HCN1: variants seen among roughly 807,000 people sequenced by gnomAD.
HCN1 encodes the protein potassium/sodium hyperpolarization-activated cyclic nucleotide-gated channel 1.
Under a neutral mutation model 78.9 loss-of-function variants are expected in HCN1, and 13 were observed. That is an observed-to-expected ratio of 0.16 (90% CI 0.11 to 0.26). The LOEUF (loss-of-function observed/expected upper bound fraction) is 0.26. Among genes scored for constraint, HCN1 ranks in the 10% least tolerant of loss-of-function variants. The probability of loss-of-function intolerance (pLI) is 1.00; values close to 1 mark genes in which losing one functional copy is unlikely to be tolerated. For synonymous variants in HCN1, 552 were observed against 455.5 expected, an observed-to-expected ratio of 1.21 and a Z score of -2.70; for missense variants, 810 against 1,154.3, an observed-to-expected ratio of 0.70 and a Z score of 4.32.
chr5:45,471,886 A>G (rs1741399509), intron 2 of HCN1, among the ~76,000 whole-genome samples: 1 of 151,904 alleles, frequency 6.6e-6, no homozygotes, highest in Non-Finnish European at 1.5e-5. Flanking sequence ...TTTTTCAAAA[A>G]CTTAATTTAC....
chr5:45,569,130 C>T (rs1743775350), intron 2 of HCN1, among the ~76,000 whole-genome samples: 1 of 152,092 alleles, frequency 6.6e-6, no homozygotes, highest in Non-Finnish European at 1.5e-5. Context: ...AAGTTACCTC[C>T]AGCTAATGAC....
intron 1 of HCN1, among the ~76,000 whole-genome samples, chr5:45,671,798 T>C (rs1746156918): frequency 6.6e-6 from 1 of 151,632 alleles, no homozygotes; most frequent in African/African-American, 2.4e-5. Context: ...CTGTTCTAAG[T>C]TACCACTAAT....
rs555812587 is a variant in HCN1, at chr5:45,691,569, CAT to C, written c.425+4098_425+4099del. Among the ~76,000 whole-genome samples the C allele has an allele frequency of 2.6e-5, 4 of 152,036 alleles. No individual in the cohort carries two copies. The East Asian group carries it at 7.7e-4, about 29-fold the overall frequency. ...TTAAAGCACAAAAAGGTTCACCTAA[CAT>C]AGAAAAAAAATAAATTCTTATGGTT... On this transcript the variant is annotated intron_variant, in intron 1 of 7. Coordinates refer to ENST00000303230, the MANE Select transcript of HCN1 (RefSeq NM_021072.4).
At chr5:45,525,801 T>G (rs1742726125) in intron 2 of HCN1, among the ~76,000 whole-genome samples, 1 of 152,132 alleles carries the variant, frequency 6.6e-6, no homozygotes, top group East Asian at 1.9e-4. Context: ...TTAGGTCTTC[T>G]TAGGGACTGC....
At chr5:45,390,475 A>G (rs1159916399) in intron 4 of HCN1, among the ~76,000 whole-genome samples, 1 of 152,020 alleles carries the variant, frequency 6.6e-6, no homozygotes, top group Non-Finnish European at 1.5e-5. Flanking sequence ...AGCTATAAAA[A>G]GAAGCTAACA....
intron 1 of HCN1, among the ~76,000 whole-genome samples, chr5:45,652,368 T>A (rs1745690727): frequency 6.6e-6 from 1 of 152,110 alleles, no homozygotes; most frequent in African/African-American, 2.4e-5. Flanking sequence ...TCCTCACTCA[T>A]ATTTCTGTAT....
intron 2 of HCN1, among the ~76,000 whole-genome samples, chr5:45,567,536 A>G (rs1413131439): frequency 1.3e-5 from 2 of 149,950 alleles, no homozygotes; most frequent in Admixed American, 6.8e-5. Context: ...CCAGATGGTG[A>G]AAAGGAGAGG....
At chr5:45,339,923 T>G (rs1746539716) in intron 5 of HCN1, among the ~76,000 whole-genome samples, 2 of 152,052 alleles carry the variant, frequency 1.3e-5, no homozygotes, top group Admixed American at 6.6e-5. Context: ...ATGTATGTAT[T>G]TATTTATTTT....
chr5:45,450,021 C>T (rs1178563598), intron 3 of HCN1, among the ~76,000 whole-genome samples: 2 of 152,018 alleles, frequency 1.3e-5, no homozygotes, highest in African/African-American at 4.8e-5. Flanking sequence ...TTAGAAGAGA[C>T]GAGGTTTCAC....
chr5:45,487,074 A>G (rs1741784004), intron 2 of HCN1, among the ~76,000 whole-genome samples: 1 of 152,086 alleles, frequency 6.6e-6, no homozygotes, highest in African/African-American at 2.4e-5. Flanking sequence ...TACTTCCTTA[A>G]GCAGTATAAT....
chr5:45,585,050 T>C (rs1192823207), intron 2 of HCN1, among the ~76,000 whole-genome samples: 6 of 152,216 alleles, frequency 3.9e-5, no homozygotes. Context: ...GCATTCTCTG[T>C]GTTTCCTGAA....
chr5:45,352,292 G>A (rs765760751), intron 5 of HCN1, among the ~76,000 whole-genome samples: 8 of 151,514 alleles, frequency 5.3e-5, no homozygotes, highest in South Asian at 2.1e-4. Context: ...ATCGAACACC[G>A]CATGTTCTCA....
At position 45,597,719 on chromosome 5, in the gene HCN1, A is replaced by C. The variant is rs185993606; in HGVS notation, c.849+47466T>G. Among the ~76,000 whole-genome samples the C allele has an allele frequency of 2.0e-5, 3 of 152,314 alleles. No homozygotes were observed. In the East Asian group the frequency reaches 5.8e-4, roughly 29 times the overall value. On this transcript the variant is annotated intron_variant, in intron 2 of 7. Transcript: ENST00000303230. ...TTAGGCTGATAAGCAACTTCAGCGAAGTCTCAGGACACAAAATCAGTGTGC... is the reference window on the plus strand; with the variant it reads ...TTAGGCTGATAAGCAACTTCAGCGACGTCTCAGGACACAAAATCAGTGTGC...
chr5:45,515,431 A>AT (rs1742498557), intron 2 of HCN1, among the ~76,000 whole-genome samples: 1 of 152,016 alleles, frequency 6.6e-6, no homozygotes, highest in Admixed American at 6.6e-5. Context: ...ATATTTGTTG[A>AT]TGTCTTAGAG....
At chr5:45,659,941 G>T (rs1396886361) in intron 1 of HCN1, among the ~76,000 whole-genome samples, 1 of 145,612 alleles carries the variant, frequency 6.9e-6, no homozygotes, top group East Asian at 2.1e-4. Flanking sequence ...TCAGATTCAG[G>T]AAATACAGAG....
At chr5:45,590,543 G>A (rs1343310088) in intron 2 of HCN1, among the ~76,000 whole-genome samples, 1 of 152,130 alleles carries the variant, frequency 6.6e-6, no homozygotes, top group African/African-American at 2.4e-5. Flanking sequence ...GGTCACTCTT[G>A]TACCTTCTAT....
Position 45,667,117 on chromosome 5 carries a change from C to G in HCN1, c.426-21509G>C, listed in dbSNP as rs1006800594. Among the ~76,000 whole-genome samples, 7 of 152,060 alleles carry G rather than the reference C, an allele frequency of 4.6e-5. No homozygotes were observed. In the South Asian group the frequency reaches 1.5e-3, roughly 32 times the overall value. ...AGAGCCATGGAACTCAGGCTGGGCT[C>G]ACTGGTCCTACAAACCTCACCTGCT... On this transcript the variant is annotated intron_variant, in intron 1 of 7. Coordinates refer to ENST00000303230, the MANE Select transcript of HCN1 (RefSeq NM_021072.4).
intron 3 of HCN1, among the ~76,000 whole-genome samples, chr5:45,431,209 T>C (rs1355798063): frequency 6.6e-6 from 1 of 152,224 alleles, no homozygotes; most frequent in Non-Finnish European, 1.5e-5. Flanking sequence ...TTGAATACTT[T>C]TTCATATGCA....
intron 6 of HCN1, among the ~76,000 whole-genome samples, chr5:45,282,011 C>T (rs1745179594): frequency 6.6e-6 from 1 of 152,050 alleles, no homozygotes; most frequent in Non-Finnish European, 1.5e-5. Flanking sequence ...TACACTGGTA[C>T]AAAAGCACAT....
Sources: gnomAD v4.1 joint callset for allele counts (sites outside exome capture counted in the v4.1 genomes callset) on GRCh38, gnomAD v4.1.1 for gene constraint, MANE v1.5 for transcripts, NCBI Gene and HGNC (gene_info 2026-07-23, HGNC 2026-07-21) for gene names.